Variants in MBNL2 observed in about 807,000 individuals in gnomAD.
The protein encoded by MBNL2 is muscleblind like splicing regulator 2.
MBNL2 carries 17 observed loss-of-function variants against 41.9 expected under a neutral mutation model. That is an observed-to-expected ratio of 0.41 (90% confidence interval 0.28 to 0.61). The LOEUF is 0.61. Among genes scored for constraint, MBNL2 ranks in the 20% least tolerant of loss-of-function variants. The pLI is 0.35. For missense variants in MBNL2, 336 were observed against 505.6 expected (o/e 0.66, Z 3.22); for synonymous variants, 195 against 182.9 (o/e 1.07, Z -0.53).
At chr13:97,243,740 G>GA (rs1424174488) in intron 1 of MBNL2, among the ~76,000 whole-genome samples, 3 of 152,044 alleles carry the variant, frequency 2.0e-5, no homozygotes, top group South Asian at 2.1e-4. Flanking sequence ...CTTGGAGGGG[G>GA]AAAAAACAAC....
At chr13:97,231,304 TG>T (rs1421157784) in intron 1 of MBNL2, among the ~76,000 whole-genome samples, 3 of 152,226 alleles carry the variant, frequency 2.0e-5, no homozygotes, top group African/African-American at 7.2e-5. Flanking sequence ...TCATTAAAAA[TG>T]TAGACTCTGA....
At chr13:97,232,164 GTC>G (rs1366185679) in intron 1 of MBNL2, among the ~76,000 whole-genome samples, 2 of 152,314 alleles carry the variant, frequency 1.3e-5, no homozygotes, top group East Asian at 1.9e-4. Flanking sequence ...TGATTGTTGA[GTC>G]TCATACCTTG....
chr13:97,321,584 A>AG (rs2059507639), intron 2 of MBNL2, among the ~76,000 whole-genome samples: 1 of 152,226 alleles, frequency 6.6e-6, no homozygotes, highest in Non-Finnish European at 1.5e-5. Flanking sequence ...GTGAGGGAAG[A>AG]GCAGTATTTA....
intron 1 of MBNL2, among the ~76,000 whole-genome samples, chr13:97,243,607 C>T (rs1177670730): frequency 6.6e-6 from 1 of 152,222 alleles, no homozygotes; most frequent in East Asian, 1.9e-4. Flanking sequence ...TTCTAATTAG[C>T]ATGTTCCTTC....
At chr13:97,340,687 C>A (rs927308990) in intron 3 of MBNL2, among the ~76,000 whole-genome samples, 5 of 152,072 alleles carry the variant, frequency 3.3e-5, no homozygotes, top group Admixed American at 2.6e-4. Flanking sequence ...TGTCAGAGTG[C>A]TAGGTTTGAA....
chr13:97,221,265 A>T (rs1235606780), upstream of MBNL2, among the ~76,000 whole-genome samples: 1 of 151,862 alleles, frequency 6.6e-6, no homozygotes, highest in East Asian at 1.9e-4. Context: ...TTTTTTCTCA[A>T]AATGTGGTAT....
chr13:97,201,066 C>T, the MBNL2 span, among the ~76,000 whole-genome samples: 1 of 152,000 alleles, frequency 6.6e-6, no homozygotes, highest in East Asian at 1.9e-4. Context: ...AGCTAATGGA[C>T]CAAAAAGAAG....
At chr13:97,302,721 G>A (rs1413216657) in intron 2 of MBNL2, among the ~76,000 whole-genome samples, 1 of 152,186 alleles carries the variant, frequency 6.6e-6, no homozygotes, top group East Asian at 1.9e-4. Flanking sequence ...CTTCTAGGAG[G>A]CTGTAGTGGA....
intron 8 of MBNL2, among the ~76,000 whole-genome samples, chr13:97,377,650 C>T (rs1158259707): frequency 2.6e-5 from 4 of 152,088 alleles, no homozygotes; most frequent in African/African-American, 9.7e-5. Flanking sequence ...TCCAGAGAAC[C>T]GCTTTAGCTT....
chr13:97,191,700 A>C, the MBNL2 span, among the ~76,000 whole-genome samples: 1 of 152,168 alleles, frequency 6.6e-6, no homozygotes, highest in Non-Finnish European at 1.5e-5. Context: ...ACCTATAGGC[A>C]AATGTATTCA....
chr13:97,287,939 G>GTTTTGT (rs1555310220), intron 2 of MBNL2, among the ~76,000 whole-genome samples: 11 of 114,060 alleles, frequency 9.6e-5, no homozygotes, highest in East Asian at 2.3e-4. Flanking sequence ...GTTTTGTTTT[G>GTTTTGT]TTTTTTTTTT....
intron 1 of MBNL2, among the ~76,000 whole-genome samples, chr13:97,232,890 TGC>T (rs1438030656): frequency 3.8e-4 from 51 of 134,562 alleles, no homozygotes; most frequent in Non-Finnish European, 7.5e-4. Context: ...TGTGTGTGTG[TGC>T]GCACGTACAC....
chr13:97,346,734 G>A lies in MBNL2; in HGVS notation c.541-70G>A. The A allele has an allele frequency of 1.4e-6, 2 of 1,390,636 alleles. No individual in the cohort carries two copies. The highest frequency in any genetic ancestry group is 2.0e-5 in the Admixed American group (1 of 50,500). The allele number at this position is 1,390,636 out of a possible 1,614,324, so 86.1% of individuals were successfully genotyped here. A position where few individuals can be genotyped will look rare whatever the true frequency, so the allele number is the denominator to read the frequency against. On this transcript the variant is annotated intron_variant, in intron 4 of 8. Transcript: ENST00000679496. This position sits in a 1 kb window ranked among gnomAD's most constrained non-coding sequence, Gnocchi z 4.2. ...CGAGGCAGCCTCCGCTCCTCCCGCG[G>A]TGGCCGGGGCCGCAGGGGCGCCTGG...
At chr13:97,219,518 T>C (rs934249158), upstream of MBNL2, among the ~76,000 whole-genome samples, 9 of 152,228 alleles carry the variant, frequency 5.9e-5, no homozygotes, top group Non-Finnish European at 1.0e-4. Context: ...GGTCAGGTTC[T>C]GGTGAGGTCT....
chr13:97,388,314 C>CATATATATATATAT (rs34389348), intron 8 of MBNL2, among the ~76,000 whole-genome samples: 49 of 139,716 alleles, frequency 3.5e-4, no homozygotes, highest in African/African-American at 1.1e-3. Context: ...TACATACATA[C>CATATATATATATAT]ATATATATAT....
rs1223630472 is a variant in MBNL2, at chr13:97,346,087, G to A, written c.541-717G>A. Among the ~76,000 whole-genome samples the A allele has an allele frequency of 6.6e-6, 1 of 152,078 alleles. No homozygotes were observed. Among genetic ancestry groups the A allele is most frequent in the Non-Finnish European group, 1.5e-5 (1 of 68,006 alleles). Reference sequence around the variant, plus strand: ...ATCAGTAGATGATAGATGATGGATGGCTGGATGGATAGATGATAGATGGAT... The same window carrying A: ...ATCAGTAGATGATAGATGATGGATGACTGGATGGATAGATGATAGATGGAT... On this transcript the variant is annotated intron_variant, in intron 4 of 8. Coordinates refer to ENST00000679496, the MANE Select transcript of MBNL2 (RefSeq NM_001382683.1). The surrounding 1 kb of genome is among the most constrained non-coding windows in gnomAD (Gnocchi z 4.2).
chr13:97,318,363 C>T (rs1271587920), intron 2 of MBNL2, among the ~76,000 whole-genome samples: 1 of 152,176 alleles, frequency 6.6e-6, no homozygotes, highest in Non-Finnish European at 1.5e-5. Flanking sequence ...TATCTTGCTA[C>T]TTGCACACCC....
intron 2 of MBNL2, among the ~76,000 whole-genome samples, chr13:97,292,184 G>A (rs1310723773): frequency 7.6e-6 from 1 of 131,124 alleles, no homozygotes; most frequent in African/African-American, 3.1e-5. Flanking sequence ...CTGGGCAACA[G>A]AGCCAGACTC....
chr13:97,218,113 G>T (rs1442091942), upstream of MBNL2, among the ~76,000 whole-genome samples: 1 of 152,102 alleles, frequency 6.6e-6, no homozygotes, highest in Non-Finnish European at 1.5e-5. Context: ...GGTACATTTA[G>T]GTGAAGAATT....
Sources: allele counts gnomAD v4.1 joint callset (sites outside exome capture counted in the v4.1 genomes callset), GRCh38; gene constraint gnomAD v4.1.1; non-coding constraint Gnocchi (gnomAD v3.1); transcripts MANE v1.5; gene names NCBI Gene and HGNC (gene_info 2026-07-23, HGNC 2026-07-21).